SLC2A12: variants seen among roughly 807,000 people sequenced by gnomAD.
SLC2A12 encodes the protein solute carrier family 2, facilitated glucose transporter member 12.
A neutral mutation model predicts 41.8 loss-of-function variants in SLC2A12; 23 were observed. The observed-to-expected ratio is 0.55, with a 90% CI of 0.40 to 0.78. The LOEUF (loss-of-function observed/expected upper bound fraction) is 0.78. SLC2A12 is among the 30% of genes least tolerant of loss of function. The pLI is 0.00. For missense variants in SLC2A12, 654 were observed against 745.6 expected (o/e 0.88, Z 1.43); for synonymous variants, 295 against 285.9 (o/e 1.03, Z -0.32).
In SLC2A12 at chr6:134,050,614, G is replaced by C. The variant is rs77621468; in HGVS notation, c.103+1764C>G. 2.0e-4 allele frequency among the ~76,000 whole-genome samples: 31 copies of C among 152,236 alleles called. No individual in the cohort carries two copies. The East Asian group carries it at 5.2e-3, about 26-fold the overall frequency. ...TCAAAATAAACAGTCCATTTTTAAT[G>C]GTTACTACAAAGGCTCTTCCTAGGC... On this transcript the variant is annotated intron_variant, in intron 1 of 4. Coordinates refer to ENST00000275230, the MANE Select transcript of SLC2A12 (RefSeq NM_145176.3).
intron 1 of SLC2A12, among the ~76,000 whole-genome samples, chr6:134,039,938 G>C (rs1181468882): frequency 2.0e-5 from 3 of 152,004 alleles, no homozygotes; most frequent in Non-Finnish European, 4.4e-5. Flanking sequence ...ATGATTGGAG[G>C]CTTCTCGAGG....
intron 2 of SLC2A12, among the ~76,000 whole-genome samples, chr6:134,013,399 A>G (rs1172529811): frequency 6.6e-6 from 1 of 152,212 alleles, no homozygotes; most frequent in African/African-American, 2.4e-5. Context: ...CTATTAGCAT[A>G]ATAATTACTA....
Position 133,987,648 on chromosome 6 carries a change from G to GTGTGTGTGTATATATATATATATA in SLC2A12, c.*3506_*3507insTATATATATATATATACACACACA, listed in dbSNP as rs200249148. The GTGTGTGTGTATATATATATATATA allele has an allele frequency of 1.1e-5, 1 of 88,320 alleles. No homozygotes were observed. Among genetic ancestry groups the GTGTGTGTGTATATATATATATATA allele is most frequent in the Non-Finnish European group, 2.8e-5 (1 of 35,238 alleles). 5.5% of individuals were successfully genotyped at this position (88,320 alleles called of 1,614,324 possible). ...TTTGTGTGTGTGTGTGTGTGTGTGT[G>GTGTGTGTGTATATATATATATATA]TATATATATATATATATATGCACCA... is the stretch of plus-strand genomic sequence containing the variant. On this transcript the variant is annotated 3_prime_UTR_variant, in exon 5 of 5. Transcript: ENST00000275230.
intron 1 of SLC2A12, among the ~76,000 whole-genome samples, chr6:134,039,878 C>T (rs150307162): frequency 8.0e-4 from 122 of 152,204 alleles, no homozygotes; most frequent in Middle Eastern, 3.4e-3. Flanking sequence ...CTCTCTCTCT[C>T]ACTCCAGTTT....
At chr6:133,993,890 C>G (rs1225073566) in intron 4 of SLC2A12, among the ~76,000 whole-genome samples, 2 of 152,144 alleles carry the variant, frequency 1.3e-5, no homozygotes, top group Non-Finnish European at 2.9e-5. Context: ...GATTAGCAGG[C>G]TGTGCAGGGC....
At chr6:134,007,019 T>C (rs887866976) in intron 2 of SLC2A12, 85 bp from the exon 3 acceptor site, 4 of 1,564,900 alleles carry the variant, frequency 2.6e-6, no homozygotes, top group South Asian at 2.4e-5. Context: ...GATCTCTCCC[T>C]GCCCTCATCC....
intron 2 of SLC2A12, among the ~76,000 whole-genome samples, chr6:134,013,880 A>T (rs1055937001): frequency 1.4e-4 from 22 of 152,222 alleles, no homozygotes; most frequent in African/African-American, 5.3e-4. Flanking sequence ...AATTTTGAAC[A>T]TGTATCAAAA....
At chr6:134,032,197 C>A (rs1210779727) in intron 1 of SLC2A12, among the ~76,000 whole-genome samples, 1 of 151,496 alleles carries the variant, frequency 6.6e-6, no homozygotes, top group Non-Finnish European at 1.5e-5. Context: ...TGGGAATTGG[C>A]AGCCCCAAAA....
At chr6:134,042,515 A>G (rs542279390) in intron 1 of SLC2A12, among the ~76,000 whole-genome samples, 1 of 151,624 alleles carries the variant, frequency 6.6e-6, no homozygotes, top group South Asian at 2.1e-4. Context: ...AAAGAGAAAG[A>G]GAGAATGAAA....
intron 2 of SLC2A12, among the ~76,000 whole-genome samples, chr6:134,012,755 G>A (rs535749185): frequency 1.4e-4 from 22 of 152,214 alleles, no homozygotes; most frequent in African/African-American, 4.6e-4. Flanking sequence ...ATCCCTTGAG[G>A]CCAGAAGTTT....
chr6:134,002,452 A>C (rs1277499215), intron 3 of SLC2A12, among the ~76,000 whole-genome samples: 1 of 152,214 alleles, frequency 6.6e-6, no homozygotes, highest in Non-Finnish European at 1.5e-5. Flanking sequence ...CATGCAAAAA[A>C]GGAACCTCAA....
At position 134,029,263 on chromosome 6, in the gene SLC2A12, C is replaced by T. The variant is rs149397156; in HGVS notation, c.562G>A (p.Ala188Thr). 72 of 1,614,136 alleles carry T rather than the reference C, an allele frequency of 4.5e-5. No homozygotes were observed. The highest frequency in any genetic ancestry group is 4.4e-4 in the African/African-American group (33 of 75,012). The change falls in exon 2 of 5, where the codon GCA (alanine) becomes ACA (threonine). Residue 188 changes from alanine to threonine, a missense_variant. Ala to Thr is a moderately conservative substitution (Grantham distance 58). This residue lies in a region of SLC2A12 where 411 missense variants were observed against 412.1 expected (regional missense o/e 1.00). Transcript: ENST00000275230. ...GILSAYISNY[A>T]FANVFHGWKY... ...CAGCCATGGAAAACATTGGCAAATG[C>T]GTAATTTGAAATATAGGCAGAAAGA... is the stretch of plus-strand genomic sequence containing the variant.
In SLC2A12 at chr6:134,029,095, A is replaced by G. The variant is rs1000954305; in HGVS notation, c.730T>C (p.Ser244Pro). Reference protein sequence around the residue: ...SKVLGRLRALSDTTEELTVIK... With the variant: ...SKVLGRLRALPDTTEELTVIK... ...ACAGTGAGTTCCTCAGTTGTATCTG[A>G]GAGTGCTCTTAACCTTCCAAGAACC... The change falls in exon 2 of 5, where the codon TCA becomes CCA. Residue 244 changes from serine (S) to proline (P), a missense_variant. By Grantham distance (74) the Ser-to-Pro change is moderately conservative. Transcript: ENST00000275230. 6.2e-7 allele frequency: 1 copy of G among 1,614,050 alleles called. No individual in the cohort carries two copies. The highest frequency in any genetic ancestry group is 1.3e-5 in the African/African-American group (1 of 74,914).
intron 4 of SLC2A12, among the ~76,000 whole-genome samples, chr6:133,996,136 A>C (rs1776683823): frequency 6.6e-6 from 1 of 152,238 alleles, no homozygotes; most frequent in African/African-American, 2.4e-5. Flanking sequence ...GGCACATAGT[A>C]GATGCTCGAT....
chr6:134,027,812 A>T (rs1044773376), intron 2 of SLC2A12, among the ~76,000 whole-genome samples: 1 of 152,242 alleles, frequency 6.6e-6, no homozygotes, highest in Non-Finnish European at 1.5e-5. Context: ...GTTGAATGAT[A>T]GCAACTAGAC....
At chr6:134,001,101 A>G (rs1040184431) in intron 4 of SLC2A12, among the ~76,000 whole-genome samples, 1 of 145,396 alleles carries the variant, frequency 6.9e-6, no homozygotes, top group East Asian at 2.2e-4. Flanking sequence ...AGAAGTTCTG[A>G]GATGGTGATT....
intron 1 of SLC2A12, among the ~76,000 whole-genome samples, chr6:134,051,159 C>T (rs759395851): frequency 6.6e-6 from 1 of 152,180 alleles, no homozygotes; most frequent in Non-Finnish European, 1.5e-5. Flanking sequence ...CTCCTGGCCT[C>T]AAGTGATCTG....
In SLC2A12 at chr6:134,016,355, C is replaced by T. The variant is rs190338368; in HGVS notation, c.1445-9421G>A. 2.4e-3 allele frequency among the ~76,000 whole-genome samples: 362 copies of T among 152,104 alleles called. 1 individual carries two copies. Among genetic ancestry groups the T allele is most frequent in the African/African-American group, 6.6e-3 (273 of 41,488 alleles). The stretch of plus-strand genomic sequence containing the variant: ...GGAAGACATCCGGGTAGCTTACTCT[C>T]TATTATGAAAAATGTGGGTTTGCTA... On this transcript the variant is annotated intron_variant, in intron 2 of 4. Transcript: ENST00000275230.
chr6:134,004,886 A>G (rs1482660226), intron 3 of SLC2A12, among the ~76,000 whole-genome samples: 20 of 152,228 alleles, frequency 1.3e-4, no homozygotes, highest in Non-Finnish European at 1.2e-4. Context: ...GGAGGCCAAC[A>G]ATGACAAACA....
Sources: gnomAD v4.1 joint callset for allele counts (sites outside exome capture counted in the v4.1 genomes callset) on GRCh38, gnomAD v4.1.1 for gene constraint, gnomAD v4.1.1 regional missense constraint, MANE v1.5 for transcripts, NCBI Gene and HGNC (gene_info 2026-07-23, HGNC 2026-07-21) for gene names.